The following DNAH3 variants were observed in gnomAD, a reference collection of about 807,000 sequenced individuals.
DNAH3 encodes axonemal beta dynein heavy chain 3.
Under a neutral mutation model 432.5 loss-of-function variants are expected in DNAH3, and 332 were observed. The observed-to-expected ratio is 0.77, with a 90% CI of 0.70 to 0.84. DNAH3 has a LOEUF of 0.84. Ranked by LOEUF, DNAH3 falls within the 40% of genes least tolerant of loss-of-function variation. DNAH3 has a pLI of 0.00. For synonymous variants in DNAH3, 1,956 were observed against 1,900.2 expected (o/e 1.03, Z -0.76); for missense variants, 4,861 against 5,114.0 (o/e 0.95, Z 1.51).
intron 24 of DNAH3, among the ~76,000 whole-genome samples, chr16:21,064,637 T>C (rs1207036801): frequency 6.6e-6 from 1 of 152,186 alleles, no homozygotes; most frequent in African/African-American, 2.4e-5. Context: ...GTGATCTCTA[T>C]GGATATACAC....
chr16:21,047,562 T>C (rs1471033588), intron 31 of DNAH3, among the ~76,000 whole-genome samples: 2 of 150,130 alleles, frequency 1.3e-5, no homozygotes, highest in African/African-American at 4.8e-5. Context: ...TTGGTTATTC[T>C]AGTTATACAT....
intron 24 of DNAH3, among the ~76,000 whole-genome samples, chr16:21,066,157 G>GT (rs796921792): frequency 1.9e-3 from 270 of 141,512 alleles, no homozygotes; most frequent in South Asian, 5.2e-3. Flanking sequence ...ATCATTTTTT[G>GT]TTTTTTTTTT....
At chr16:20,956,288 C>T (rs956551985) in intron 54 of DNAH3, among the ~76,000 whole-genome samples, 1 of 152,114 alleles carries the variant, frequency 6.6e-6, no homozygotes, top group African/African-American at 2.4e-5. Flanking sequence ...TCCCATCTTC[C>T]CTTTAAAATT....
intron 53 of DNAH3, among the ~76,000 whole-genome samples, chr16:20,962,031 C>A (rs945670909): frequency 6.6e-6 from 1 of 151,370 alleles, no homozygotes; most frequent in Non-Finnish European, 1.5e-5. Flanking sequence ...CGTGGCAGCA[C>A]GTGCCTGTAA....
intron 29 of DNAH3, 113 bp from the exon 30 acceptor site, chr16:21,050,131 C>T (rs2089893289): frequency 1.3e-6 from 1 of 746,682 alleles, no homozygotes; most frequent in South Asian, 1.9e-5. Context: ...AAAGTGATTG[C>T]AGTTTTTGCC....
At chr16:21,151,318 C>A (rs940441059) in intron 1 of DNAH3, among the ~76,000 whole-genome samples, 1 of 122,670 alleles carries the variant, frequency 8.2e-6, no homozygotes, top group Non-Finnish European at 1.6e-5. Flanking sequence ...CCAGTTTTTC[C>A]CCGTTTTTTT....
intron 7 of DNAH3, among the ~76,000 whole-genome samples, chr16:21,133,123 G>A (rs2092591849): frequency 6.6e-6 from 1 of 152,034 alleles, no homozygotes; most frequent in South Asian, 2.1e-4. Flanking sequence ...GTGCCGATGT[G>A]GGTGGATTGC....
chr16:20,970,000 G>T lies in DNAH3; in HGVS notation c.8260-10C>A. Reference sequence around the variant, plus strand: ...CCCCCTCACATTCGTTCTGTGGGCGGCATGAGGACAAAGGAGATGAGTGCC... The same window carrying T: ...CCCCCTCACATTCGTTCTGTGGGCGTCATGAGGACAAAGGAGATGAGTGCC... On this transcript the variant is annotated splice_polypyrimidine_tract_variant and intron_variant, in intron 51 of 61. Coordinates refer to ENST00000261383, the Ensembl canonical transcript of DNAH3. 6.2e-7 allele frequency: 1 copy of T among 1,613,274 alleles called. No individual in the cohort carries two copies. The highest frequency in any genetic ancestry group is 1.1e-5 in the South Asian group (1 of 91,070).
chr16:20,944,158 A>AG (rs2083937402), intron 58 of DNAH3, among the ~76,000 whole-genome samples: 2 of 151,176 alleles, frequency 1.3e-5, no homozygotes, highest in Non-Finnish European at 2.9e-5. Context: ...TTAAAAAAAA[A>AG]AGAGAGTTAG....
intron 49 of DNAH3, 105 bp downstream of exon 49, chr16:20,982,616 G>C (rs1459340206): frequency 1.2e-6 from 1 of 843,218 alleles, no homozygotes; most frequent in African/African-American, 1.7e-5. Context: ...TAAGACATTT[G>C]CTATATACAA....
chr16:21,083,591 TCTAA>T lies in DNAH3; in HGVS notation c.2878-1868_2878-1865del, dbSNP rs534008310. On this transcript the variant is annotated intron_variant, in intron 19 of 61. Coordinates refer to ENST00000261383, the Ensembl canonical transcript of DNAH3. ...AAAGTCTGTGCCCCAAACGTAAGGCTCTAACTTTTTCTACCTACGTTCTGTAAAT... is the reference window on the plus strand; with the variant it reads ...AAAGTCTGTGCCCCAAACGTAAGGCTCTTTTTCTACCTACGTTCTGTAAAT... 3.3e-5 allele frequency among the ~76,000 whole-genome samples: 5 copies of T among 152,272 alleles called. 1 individual carries two copies. The South Asian group carries it at 8.3e-4, about 25-fold the overall frequency.
chr16:20,947,527 T>C (rs574418281), intron 57 of DNAH3, among the ~76,000 whole-genome samples: 46 of 152,164 alleles, frequency 3.0e-4, no homozygotes, highest in African/African-American at 7.9e-4. Context: ...GGGGAAAGAA[T>C]TGGGGACTGA....
At chr16:21,024,834 T>C in intron 38 of DNAH3, 133 bp from the exon 39 acceptor site, 1 of 722,234 alleles carries the variant, frequency 1.4e-6, no homozygotes, top group Non-Finnish European at 2.4e-6. Flanking sequence ...CCTAGTCCCC[T>C]GGGTTTACCC....
At position 21,122,142 on chromosome 16, in the gene DNAH3, T is replaced by C. The variant is rs1351514689; in HGVS notation, c.1405-18A>G. On this transcript the variant is annotated intron_variant, in intron 9 of 61. Transcript: ENST00000261383. ...TTCCCATCCTTCAGGAGACATAAGG[T>C]AGGGCAAGCGTTACAAAATTGGGCC... is the stretch of plus-strand genomic sequence containing the variant. 8.8e-6 allele frequency: 14 copies of C among 1,593,004 alleles called. 1 individual carries two copies. The South Asian group carries it at 1.0e-4, about 12-fold the overall frequency.
At chr16:20,975,496 C>A in intron 50 of DNAH3, 81 bp from the exon 51 acceptor site, 1 of 1,370,686 alleles carries the variant, frequency 7.3e-7, no homozygotes, top group South Asian at 1.3e-5. Context: ...GATTCTCCAA[C>A]CTATGACATA....
In DNAH3 at chr16:21,012,198, G is replaced by A. The variant is rs370181036; in HGVS notation, c.6022+7426C>T. Among the ~76,000 whole-genome samples, 4 of 152,214 alleles carry A rather than the reference G, an allele frequency of 2.6e-5. No individual in the cohort carries two copies. The East Asian group carries it at 5.8e-4, about 22-fold the overall frequency. ...GATATCAAAATGAAAAGCGCACCTCGAAAGACCAAAGCCCCAAAACAAGAA... is the reference window on the plus strand; with the variant it reads ...GATATCAAAATGAAAAGCGCACCTCAAAAGACCAAAGCCCCAAAACAAGAA... On this transcript the variant is annotated intron_variant, in intron 41 of 61. Coordinates refer to ENST00000261383, the Ensembl canonical transcript of DNAH3.
intron 41 of DNAH3, among the ~76,000 whole-genome samples, chr16:21,006,914 T>C (rs577081834): frequency 2.0e-5 from 3 of 152,266 alleles, no homozygotes; most frequent in East Asian, 3.9e-4. Context: ...GCTCAAGTGA[T>C]CTGCTCACAA....
intron 7 of DNAH3, among the ~76,000 whole-genome samples, chr16:21,128,865 GA>G (rs766015503): frequency 5.2e-3 from 289 of 55,814 alleles, no homozygotes; most frequent in Middle Eastern, 0.012. Context: ...TCTCTACAAA[GA>G]AAAAAAAAAA....
chr16:20,947,011 G>A (rs2152572463), intron 57 of DNAH3, among the ~76,000 whole-genome samples: 1 of 151,686 alleles, frequency 6.6e-6, no homozygotes, highest in Middle Eastern at 3.4e-3. Flanking sequence ...TTTTAGTAGA[G>A]ACAGAATTTC....
Sources: gnomAD v4.1 joint callset for allele counts (sites outside exome capture counted in the v4.1 genomes callset) on GRCh38, gnomAD v4.1.1 for gene constraint, MANE v1.5 for transcripts, NCBI Gene and HGNC (gene_info 2026-07-23, HGNC 2026-07-21) for gene names.